MYH6: variants seen among roughly 807,000 people sequenced by gnomAD.
MYH6 encodes the protein myosin-6.
In MYH6, 126 loss-of-function variants were observed where a neutral mutation model predicts 223.2. The observed-to-expected ratio is 0.56, with a 90% confidence interval of 0.49 to 0.65. The LOEUF (loss-of-function observed/expected upper bound fraction) is 0.65. MYH6 is among the 30% of genes least tolerant of loss of function. The probability of loss-of-function intolerance (pLI) is 0.00; values close to 1 mark genes in which losing one functional copy is unlikely to be tolerated. For missense variants in MYH6, 2,040 were observed against 2,536.4 expected, an observed-to-expected ratio of 0.80 and a Z score of 4.20; for synonymous variants, 978 against 1,010.2, an observed-to-expected ratio of 0.97 and a Z score of 0.61.
intron 36 of MYH6, 21 bp from the exon 37 acceptor site, chr14:23,383,341 G>GGGGGGGGGGGCCCCCCCCCCC: frequency 1.8e-6 from 1 of 556,578 alleles, no homozygotes; most frequent in Non-Finnish European, 3.3e-6. Flanking sequence ...GAGGGTGGGA[G>GGGGGGGGGGGCCCCCCCCCCC]AAGCTGGTTT....
chr14:23,395,242 G>A (rs891842305), intron 20 of MYH6, among the ~76,000 whole-genome samples: 5 of 152,194 alleles, frequency 3.3e-5, no homozygotes, highest in Admixed American at 2.6e-4. Context: ...CATACTGTAT[G>A]TATCCTTCCA....
chr14:23,389,710 C>T lies in MYH6; in HGVS notation c.3742G>A (p.Glu1248Lys). 1 of 1,614,114 alleles carries T rather than the reference C, an allele frequency of 6.2e-7. No individual in the cohort carries two copies. Among genetic ancestry groups the T allele is most frequent in the South Asian group, 1.1e-5 (1 of 91,074 alleles). The change falls in exon 27 of 39, where the codon GAG becomes AAG. Residue 1248 changes from glutamate to lysine, a missense_variant. This residue lies in a region of MYH6 where 1,203 missense variants were observed against 1,400.2 expected (regional missense o/e 0.86). Coordinates refer to ENST00000405093, the MANE Select transcript of MYH6 (RefSeq NM_002471.4). ...TCCTCCAGCGTCCGAGACACTTTCTCCAGGTTTGCCTTCAGGAAGCAAGAC... is the reference window on the plus strand; with the variant it reads ...TCCTCCAGCGTCCGAGACACTTTCTTCAGGTTTGCCTTCAGGAAGCAAGAC... ...EQIIKAKANL[E>K]KVSRTLEDQA...
Position 23,386,506 on chromosome 14 carries a change from G to T in MYH6, c.4768C>A (p.Arg1590Ser), listed in dbSNP as rs544624250. ...GAGTCCACCACCCGCTGGTGGTTGC[G>T]CTTGGCCTGTTCCATCTCCTCGTCC... ...EKDEEMEQAK[R>S]NHQRVVDSLQ... is the part of the protein sequence containing the mutation. The change falls in exon 33 of 39, where the codon CGC (arginine) becomes AGC (serine). Residue 1590 changes from arginine to serine, a missense_variant. Physicochemically the swap from Arg to Ser is moderately radical, Grantham distance 110. Around this residue, in one of 4 missense-constraint regions of MYH6, gnomAD observed 1,203 missense variants for 1,400.2 expected, o/e 0.86. Coordinates refer to ENST00000405093, the MANE Select transcript of MYH6 (RefSeq NM_002471.4). 14 of 1,614,142 alleles carry T rather than the reference G, an allele frequency of 8.7e-6. No homozygotes were observed. Among genetic ancestry groups the T allele is most frequent in the Middle Eastern group, 1.7e-4 (1 of 6,058 alleles).
intron 15 of MYH6, 52 bp downstream of exon 15, chr14:23,398,676 C>T (rs1891503113): frequency 1.3e-6 from 2 of 1,593,028 alleles, no homozygotes; most frequent in Admixed American, 1.7e-5. Flanking sequence ...AGGACCCTGG[C>T]CCTTTGTGTC....
In MYH6 at chr14:23,383,297, C is replaced by G; in HGVS notation, c.5589G>C (p.Leu1863=). 9.5e-7 allele frequency: 1 copy of G among 1,054,738 alleles called. No homozygotes were observed. Among genetic ancestry groups the G allele is most frequent in the Non-Finnish European group, 1.3e-6 (1 of 770,942 alleles). The allele number at this position is 1,054,738 out of a possible 1,614,324, so 65.3% of individuals were successfully genotyped here. Residue 1863 remains leucine (L), a synonymous_variant, in exon 37 of 39, where the codon CTG becomes CTC. Coordinates refer to ENST00000405093, the MANE Select transcript of MYH6 (RefSeq NM_002471.4). ...TGTCCACCAGGTCCTGTAGCCGCAGCAGGTTCTTTTTGTCTTCCTCTGTCT... is the reference window on the plus strand; with the variant it reads ...TGTCCACCAGGTCCTGTAGCCGCAGGAGGTTCTTTTTGTCTTCCTCTGTCT... ...TYQTEEDKKN[L]LRLQDLVDKL... is the part of the protein sequence containing the mutation.
Position 23,402,673 on chromosome 14 carries a change from G to A in MYH6, c.1002+24C>T, listed in dbSNP as rs368870052. ...CAGGAGCTCCTGGGGTCCCTCGAAC[G>A]GCCGCAGCAGCCCCCTCACTCACAT... On this transcript the variant is annotated intron_variant, in intron 11 of 38. Transcript: ENST00000405093. The A allele has an allele frequency of 6.0e-5, 97 of 1,613,368 alleles. No homozygotes were observed. The South Asian group carries it at 7.8e-4, about 13-fold the overall frequency.
At chr14:23,406,339 G>A (rs769638155) in intron 3 of MYH6, among the ~76,000 whole-genome samples, 4 of 152,174 alleles carry the variant, frequency 2.6e-5, no homozygotes, top group Non-Finnish European at 4.4e-5. Context: ...GGAGAAATCC[G>A]TGGCTCTAAA....
Position 23,382,328 on chromosome 14 carries a change from TG to T in MYH6, c.5796+99del. The T allele has an allele frequency of 2.6e-6, 4 of 1,552,768 alleles. No homozygotes were observed. The South Asian group carries it at 4.5e-5, about 17-fold the overall frequency. ...ATGTAAGCTATGGGACCCTCAGAAC[TG>T]CCTACATATAGGGCAAGCAGTGCCC... On this transcript the variant is annotated intron_variant, in intron 38 of 38. Coordinates refer to ENST00000405093, the MANE Select transcript of MYH6 (RefSeq NM_002471.4).
Position 23,387,965 on chromosome 14 carries a change from G to A in MYH6, c.4360-42C>T, listed in dbSNP as rs200005451. ...CTCACTCTTCAGCCCCCCAGCCTTA[G>A]CTCCCCAGCCCTCCTGCTTCCCAGT... On this transcript the variant is annotated intron_variant, in intron 30 of 38. Coordinates refer to ENST00000405093, the MANE Select transcript of MYH6 (RefSeq NM_002471.4). 2.5e-6 allele frequency: 4 copies of A among 1,610,684 alleles called. No homozygotes were observed. In the African/African-American group the frequency reaches 4.0e-5, roughly 16 times the overall value.
In MYH6 at chr14:23,392,631, C is replaced by A; in HGVS notation, c.3273G>T (p.Gln1091His). The A allele has an allele frequency of 7.7e-7, 1 of 1,297,778 alleles. No homozygotes were observed. 80.4% of individuals were successfully genotyped at this position (1,297,778 alleles called of 1,614,324 possible). ...KLKKKEFDIN[Q>H]QNSKIEDEQV... ...GCTCATCCTCAATCTTACTGTTCTG[C>A]TGATTAATGTCAAACTCCTTCCTGC... is the stretch of plus-strand genomic sequence containing the variant. Residue 1091 changes from glutamine (Q) to histidine (H), a missense_variant, in exon 25 of 39, where the codon CAG becomes CAT. Transcript: ENST00000405093.
Position 23,397,524 on chromosome 14 carries a change from A to C in MYH6, c.1962+19T>G. On this transcript the variant is annotated intron_variant, in intron 16 of 38. Coordinates refer to ENST00000405093, the MANE Select transcript of MYH6 (RefSeq NM_002471.4). ...GGGCCATTCCACCAGGTGTCCTGGC[A>C]CCCCTGGGCCCTTCTTACCCGGTGG... 1.2e-6 allele frequency: 2 copies of C among 1,613,572 alleles called. No homozygotes were observed. Among genetic ancestry groups the C allele is most frequent in the South Asian group, 2.2e-5 (2 of 91,048 alleles).
chr14:23,397,665 C>CTT (rs770971490), intron 15 of MYH6, 52 bp from the exon 16 acceptor site: 2 of 1,588,952 alleles, frequency 1.3e-6, no homozygotes. Flanking sequence ...TAAAGGAGCC[C>CTT]TTGGGCAGAG....
intron 36 of MYH6, among the ~76,000 whole-genome samples, chr14:23,384,164 T>C (rs1211733317): frequency 6.7e-6 from 1 of 148,960 alleles, no homozygotes; most frequent in Non-Finnish European, 1.5e-5. Flanking sequence ...TGTTCTGAAG[T>C]CTTCATGGTA....
chr14:23,398,295 C>T (rs532675835), intron 15 of MYH6, among the ~76,000 whole-genome samples: 1 of 152,240 alleles, frequency 6.6e-6, no homozygotes, highest in African/African-American at 2.4e-5. Context: ...GGATTACAGG[C>T]GTGAGCCACC....
intron 3 of MYH6, 137 bp downstream of exon 3, chr14:23,406,886 C>G (rs1815794491): frequency 1.0e-6 from 1 of 999,812 alleles, no homozygotes. Flanking sequence ...CTGGGCTCCT[C>G]AAAGGAGCAT....
rs1274950434 is a variant in MYH6 at position 23,387,879 on chromosome 14, C to G, written c.4404G>C (p.Glu1468Asp). Residue 1468 changes from glutamate to aspartate, a missense_variant, in exon 31 of 39, where the codon GAG becomes GAC. Around this residue, in one of 4 missense-constraint regions of MYH6, gnomAD observed 1,203 missense variants for 1,400.2 expected, o/e 0.86. Coordinates refer to ENST00000405093, the MANE Select transcript of MYH6 (RefSeq NM_002471.4). ...WKQKYEESQS[E>D]LESSQKEARS... ...GAGCCTCCTTCTGTGAGGACTCCAGCTCAGACTGCGACTCCTCATACTTCT... is the reference window on the plus strand; with the variant it reads ...GAGCCTCCTTCTGTGAGGACTCCAGGTCAGACTGCGACTCCTCATACTTCT... The G allele has an allele frequency of 2.5e-6, 4 of 1,614,096 alleles. No homozygotes were observed. In the South Asian group the frequency reaches 4.4e-5, roughly 18 times the overall value.
At chr14:23,382,171 G>A in intron 38 of MYH6, 108 bp from the exon 39 acceptor site, 1 of 1,220,858 alleles carries the variant, frequency 8.2e-7, no homozygotes, top group Non-Finnish European at 1.2e-6. Flanking sequence ...CTTGGAGGGA[G>A]AGGCAGGGCC....
chr14:23,383,750 A>T (rs998240967), intron 36 of MYH6, among the ~76,000 whole-genome samples: 1 of 152,208 alleles, frequency 6.6e-6, no homozygotes, highest in Non-Finnish European at 1.5e-5. Flanking sequence ...CTACATTCTA[A>T]TATATTGTAC....
At chr14:23,389,973 G>A (rs1891180372) in intron 26 of MYH6, 84 bp downstream of exon 26, 5 of 1,611,268 alleles carry the variant, frequency 3.1e-6, no homozygotes, top group African/African-American at 1.3e-5. Context: ...AGAATGACAA[G>A]GGAGATGGCA....
Sources: allele counts gnomAD v4.1 joint callset (sites outside exome capture counted in the v4.1 genomes callset), GRCh38; gene constraint gnomAD v4.1.1; regional missense constraint gnomAD v4.1.1; transcripts MANE v1.5; gene names NCBI Gene and HGNC (gene_info 2026-07-23, HGNC 2026-07-21).